The following SORCS1 variants were observed in gnomAD, a reference collection of about 807,000 sequenced individuals.
SORCS1 encodes sortilin related VPS10 domain containing receptor 1, also known as VPS10 domain-containing receptor SorCS1.
A neutral mutation model predicts 146.1 loss-of-function variants in SORCS1; 60 were observed. The ratio of observed to expected loss-of-function variants is 0.41; its 90% CI spans 0.33 to 0.51. The LOEUF is 0.51. Among genes scored for constraint, SORCS1 ranks in the 20% least tolerant of loss-of-function variants. The pLI is 0.21. For synonymous variants in SORCS1, 637 were observed against 584.0 expected, an observed-to-expected ratio of 1.09 and a Z score of -1.31; for missense variants, 1,352 against 1,487.6, an observed-to-expected ratio of 0.91 and a Z score of 1.50.
chr10:107,134,589 A>T (rs2134662491), intron 1 of SORCS1, among the ~76,000 whole-genome samples: 1 of 152,278 alleles, frequency 6.6e-6, no homozygotes, highest in South Asian at 2.1e-4. Flanking sequence ...CAGTGAGCCG[A>T]GATCGCGCCA....
intron 24 of SORCS1, among the ~76,000 whole-genome samples, chr10:106,589,025 A>C (rs1382294573): frequency 6.6e-6 from 1 of 152,160 alleles, no homozygotes; most frequent in Non-Finnish European, 1.5e-5. Flanking sequence ...TTTATAGCAG[A>C]TATCTCCCAC....
chr10:107,096,253 C>G (rs555893566), intron 1 of SORCS1, among the ~76,000 whole-genome samples: 127 of 152,318 alleles, frequency 8.3e-4, no homozygotes, highest in Non-Finnish European at 1.6e-3. Context: ...AGGAATAAGA[C>G]GTTGAAGCCT....
chr10:106,676,458 T>C (rs1459906873), intron 13 of SORCS1, among the ~76,000 whole-genome samples: 1 of 152,194 alleles, frequency 6.6e-6, no homozygotes, highest in Non-Finnish European at 1.5e-5. Flanking sequence ...GAGATGTTAT[T>C]TGGGAAAGGT....
chr10:106,965,838 C>G (rs1166039033), intron 1 of SORCS1, among the ~76,000 whole-genome samples: 2 of 152,208 alleles, frequency 1.3e-5, no homozygotes, highest in Non-Finnish European at 2.9e-5. Flanking sequence ...AGACATGGTA[C>G]TAGTCACAAA....
At chr10:107,159,476 A>G (rs1225198668) in intron 1 of SORCS1, among the ~76,000 whole-genome samples, 1 of 152,220 alleles carries the variant, frequency 6.6e-6, no homozygotes, top group African/African-American at 2.4e-5. Flanking sequence ...CTTAATTCCC[A>G]GTAGAGAAAT....
chr10:106,853,697 A>AT (rs1311614094), intron 2 of SORCS1, among the ~76,000 whole-genome samples: 1 of 151,196 alleles, frequency 6.6e-6, no homozygotes, highest in African/African-American at 2.4e-5. Flanking sequence ...TTCTCTTGAG[A>AT]TTTTTTCTTT....
chr10:107,114,802 A>G (rs1020636139), intron 1 of SORCS1, among the ~76,000 whole-genome samples: 3 of 152,148 alleles, frequency 2.0e-5, no homozygotes, highest in Non-Finnish European at 4.4e-5. Flanking sequence ...ATTGGAAATG[A>G]AAAAGTTAAA....
intron 1 of SORCS1, among the ~76,000 whole-genome samples, chr10:107,128,956 T>A (rs1966842917): frequency 6.6e-6 from 1 of 152,166 alleles, no homozygotes; most frequent in African/African-American, 2.4e-5. Flanking sequence ...TAAAAACATA[T>A]AATGCACATC....
chr10:106,899,070 G>A (rs1951597471), intron 2 of SORCS1, among the ~76,000 whole-genome samples: 1 of 152,152 alleles, frequency 6.6e-6, no homozygotes, highest in Non-Finnish European at 1.5e-5. Flanking sequence ...ATCTTTCCAG[G>A]TAGTGAAGGA....
At chr10:106,807,462 T>C (rs1947246159) in intron 3 of SORCS1, among the ~76,000 whole-genome samples, 1 of 152,190 alleles carries the variant, frequency 6.6e-6, no homozygotes, top group South Asian at 2.1e-4. Context: ...GCCCCTGCTT[T>C]TTGAGCTCAG....
intron 2 of SORCS1, among the ~76,000 whole-genome samples, chr10:106,884,451 T>G (rs1950921696): frequency 6.6e-6 from 1 of 152,174 alleles, no homozygotes; most frequent in Admixed American, 6.5e-5. Flanking sequence ...TCTTTTAAAT[T>G]TATGGACACC....
chr10:106,616,282 T>C (rs1433408614), intron 21 of SORCS1, among the ~76,000 whole-genome samples: 1 of 152,080 alleles, frequency 6.6e-6, no homozygotes, highest in Non-Finnish European at 1.5e-5. Context: ...TGCCCATTAG[T>C]GCAACCTGTG....
At chr10:106,884,948 T>A (rs1477838887) in intron 2 of SORCS1, among the ~76,000 whole-genome samples, 3 of 152,214 alleles carry the variant, frequency 2.0e-5, no homozygotes, top group Non-Finnish European at 4.4e-5. Context: ...CCTAAACTTT[T>A]ACTGAAGCTT....
chr10:106,844,407 C>T lies in SORCS1; in HGVS notation c.627-14734G>A, dbSNP rs188230759. Among the ~76,000 whole-genome samples the T allele has an allele frequency of 1.2e-3, 176 of 151,914 alleles. 2 individuals carry two copies. Among genetic ancestry groups the T allele is most frequent in the Admixed American group, 0.012 (176 of 15,264 alleles). On this transcript the variant is annotated intron_variant, in intron 2 of 25. Coordinates refer to ENST00000263054, the MANE Select transcript of SORCS1 (RefSeq NM_052918.5). ...CTAAGACCAATATTGAGGAGATTTT[C>T]TTCTATGTTTTCTTCTAGGAGTTTC... is the stretch of plus-strand genomic sequence containing the variant.
intron 1 of SORCS1, among the ~76,000 whole-genome samples, chr10:106,992,383 T>A (rs986466067): frequency 6.6e-6 from 1 of 152,154 alleles, no homozygotes; most frequent in African/African-American, 2.4e-5. Flanking sequence ...AGTAAAAAAA[T>A]ACCATACATT....
At chr10:106,812,937 C>T (rs1947544483) in intron 3 of SORCS1, among the ~76,000 whole-genome samples, 1 of 151,812 alleles carries the variant, frequency 6.6e-6, no homozygotes, top group Non-Finnish European at 1.5e-5. Flanking sequence ...ACAAGTTCTG[C>T]TCAGCACGCA....
chr10:106,679,578 C>T, intron 11 of SORCS1, 54 bp downstream of exon 11: 1 of 1,417,584 alleles, frequency 7.1e-7, no homozygotes, highest in Non-Finnish European at 9.8e-7. Flanking sequence ...AGATATCTAG[C>T]TTCTTAAAAT....
intron 2 of SORCS1, among the ~76,000 whole-genome samples, chr10:106,842,070 C>A (rs915122747): frequency 6.6e-6 from 1 of 152,130 alleles, no homozygotes; most frequent in African/African-American, 2.4e-5. Flanking sequence ...TGTTGTTTCA[C>A]ATCCTTGTGG....
chr10:107,101,841 A>G (rs1027224468), intron 1 of SORCS1, among the ~76,000 whole-genome samples: 3 of 151,838 alleles, frequency 2.0e-5, no homozygotes, highest in Non-Finnish European at 4.4e-5. Flanking sequence ...AATGTCTTTA[A>G]GTATGACATT....
Sources: allele counts gnomAD v4.1 joint callset (sites outside exome capture counted in the v4.1 genomes callset), GRCh38; gene constraint gnomAD v4.1.1; transcripts MANE v1.5; gene names NCBI Gene and HGNC (gene_info 2026-07-23, HGNC 2026-07-21).